Variants in BTAF1 observed in about 807,000 individuals in gnomAD.
BTAF1 encodes the protein B-TFIID TATA-box binding protein associated factor 1, also known as TATA-binding protein-associated factor 172.
BTAF1 carries 38 observed loss-of-function variants against 227.1 expected under a neutral mutation model. The observed-to-expected ratio is 0.17, with a 90% confidence interval of 0.13 to 0.22. BTAF1 has a LOEUF of 0.22. Among genes scored for constraint, BTAF1 ranks in the 10% least tolerant of loss-of-function variants. The pLI, the probability that BTAF1 is intolerant of heterozygous loss-of-function variation, is 1.00. For missense variants in BTAF1, 1,598 were observed against 2,204.0 expected (o/e 0.73, Z 5.51); for synonymous variants, 742 against 751.9 (o/e 0.99, Z 0.21).
At chr10:92,012,088 TCCCTC>T (rs1408907631) in intron 30 of BTAF1, among the ~76,000 whole-genome samples, 3 of 40,518 alleles carry the variant, frequency 7.4e-5, no homozygotes, top group African/African-American at 3.1e-4. Context: ...CTTCCCTCCC[TCCCTC>T]CCCTCCCCCT....
Position 91,964,552 on chromosome 10 carries a change from A to G in BTAF1, c.1529+351A>G, listed in dbSNP as rs75611874. On this transcript the variant is annotated intron_variant, in intron 13 of 37. Coordinates refer to ENST00000265990, the MANE Select transcript of BTAF1 (RefSeq NM_003972.3). Reference sequence around the variant, plus strand: ...TTAGTAACATTTAGTTAACAGAATTATCATCGAACATCAGCTTTAAATTTT... The same window carrying G: ...TTAGTAACATTTAGTTAACAGAATTGTCATCGAACATCAGCTTTAAATTTT... 3.3e-3 allele frequency among the ~76,000 whole-genome samples: 502 copies of G among 152,320 alleles called. 4 individuals are homozygous for G. Among genetic ancestry groups the G allele is most frequent in the African/African-American group, 0.012 (481 of 41,582 alleles).
rs1440703062 is a variant in BTAF1 at position 92,024,980 on chromosome 10, T to C, written c.5075+13T>C. 6.3e-7 allele frequency: 1 copy of C among 1,599,382 alleles called. No individual in the cohort carries two copies. The highest frequency in any genetic ancestry group is 8.6e-7 in the Non-Finnish European group (1 of 1,167,406). On this transcript the variant is annotated intron_variant, in intron 35 of 37. Coordinates refer to ENST00000265990, the MANE Select transcript of BTAF1 (RefSeq NM_003972.3). Reference sequence around the variant, plus strand: ...CCATTGTTTCCCGGTAAGTGGCTTCTAAGACTCTTATTCATAAATAAATAT... The same window carrying C: ...CCATTGTTTCCCGGTAAGTGGCTTCCAAGACTCTTATTCATAAATAAATAT...
intron 14 of BTAF1, among the ~76,000 whole-genome samples, chr10:91,970,097 T>TC (rs397709333): frequency 5.9e-5 from 9 of 151,448 alleles, no homozygotes; most frequent in East Asian, 3.9e-4. Context: ...TTTTTTTTTT[T>TC]CCTTTTGAAT....
intron 1 of BTAF1, among the ~76,000 whole-genome samples, chr10:91,933,208 CT>C (rs895891369): frequency 7.0e-4 from 107 of 152,218 alleles, no homozygotes; most frequent in African/African-American, 2.4e-3. Context: ...TTGGGAGATA[CT>C]TTTTGTTTTG....
At chr10:92,009,793 G>C (rs959496363) in intron 28 of BTAF1, among the ~76,000 whole-genome samples, 1 of 152,074 alleles carries the variant, frequency 6.6e-6, no homozygotes, top group African/African-American at 2.4e-5. Flanking sequence ...TTTTAGCATT[G>C]TTTCAGCTTT....
At chr10:92,014,112 G>A in intron 32 of BTAF1, 83 bp downstream of exon 32, 2 of 1,428,612 alleles carry the variant, frequency 1.4e-6, no homozygotes, top group African/African-American at 2.9e-5. Context: ...ATTGAATAAA[G>A]GGGCTTAGCC....
chr10:91,978,139 C>T (rs1847815398), intron 14 of BTAF1, among the ~76,000 whole-genome samples: 1 of 152,102 alleles, frequency 6.6e-6, no homozygotes, highest in Admixed American at 6.6e-5. Flanking sequence ...GTTTAACTGC[C>T]CTAAAAATCC....
At chr10:91,952,883 A>C (rs1239049019) in intron 5 of BTAF1, among the ~76,000 whole-genome samples, 1 of 152,232 alleles carries the variant, frequency 6.6e-6, no homozygotes, top group Admixed American at 6.5e-5. Flanking sequence ...TGGGTAATTG[A>C]ACATGGTGTA....
chr10:91,966,794 A>G (rs750298438), intron 14 of BTAF1, 37 bp downstream of exon 14: 1 of 1,571,522 alleles, frequency 6.4e-7, no homozygotes, highest in Admixed American at 1.8e-5. Flanking sequence ...TGAAACTTAT[A>G]TAAATTAATT....
At chr10:92,027,098 G>A in intron 36 of BTAF1, 32 bp from the exon 37 acceptor site, 2 of 1,591,448 alleles carry the variant, frequency 1.3e-6, no homozygotes, top group Non-Finnish European at 1.7e-6. Flanking sequence ...CATAATATGT[G>A]TTACGGTTGC....
At chr10:91,941,655 TCTTATTAGC>T (rs1845005589) in intron 3 of BTAF1, among the ~76,000 whole-genome samples, 1 of 152,232 alleles carries the variant, frequency 6.6e-6, no homozygotes, top group Non-Finnish European at 1.5e-5. Flanking sequence ...GAGGGATGAT[TCTTATTAGC>T]CTTATTCATG....
intron 1 of BTAF1, among the ~76,000 whole-genome samples, chr10:91,932,824 G>A (rs1844360818): frequency 6.6e-6 from 1 of 152,206 alleles, no homozygotes; most frequent in Admixed American, 6.5e-5. Context: ...TACTTTATTT[G>A]TTTGCTGTAG....
At chr10:91,927,635 A>G (rs1192855951) in intron 1 of BTAF1, among the ~76,000 whole-genome samples, 11 of 152,340 alleles carry the variant, frequency 7.2e-5, no homozygotes, top group East Asian at 1.9e-4. Context: ...AAAAAAATGA[A>G]TGAATGATTT....
chr10:91,944,313 G>A (rs1219841973), intron 4 of BTAF1, among the ~76,000 whole-genome samples: 1 of 152,110 alleles, frequency 6.6e-6, no homozygotes. Context: ...TTTAAATGTT[G>A]ATCTGTGTTT....
intron 1 of BTAF1, among the ~76,000 whole-genome samples, chr10:91,927,545 A>T (rs11812102): frequency 0.063 from 9,521 of 152,092 alleles, 999 homozygotes; most frequent in African/African-American, 0.22. Context: ...ATTAACATAA[A>T]CTCTGAGAGA....
chr10:91,970,591 G>A (rs1045409948), intron 14 of BTAF1, among the ~76,000 whole-genome samples: 1 of 152,310 alleles, frequency 6.6e-6, no homozygotes, highest in Non-Finnish European at 1.5e-5. Context: ...GACCCACTCC[G>A]TGATTCACTT....
At chr10:91,951,966 T>A (rs1845794418) in intron 5 of BTAF1, among the ~76,000 whole-genome samples, 1 of 152,056 alleles carries the variant, frequency 6.6e-6, no homozygotes, top group Admixed American at 6.6e-5. Context: ...CTTTTTTTTT[T>A]AAGTGAGAAA....
chr10:91,993,662 A>G, intron 21 of BTAF1, 32 bp from the exon 22 acceptor site: 1 of 1,387,736 alleles, frequency 7.2e-7, no homozygotes, highest in South Asian at 2.0e-5. Flanking sequence ...TTTTTTCTGA[A>G]ATTCTGTTTT....
chr10:91,989,557 A>G lies in BTAF1; in HGVS notation c.2831A>G (p.Gln944Arg). The G allele has an allele frequency of 6.2e-7, 1 of 1,601,390 alleles. No homozygotes were observed. Among genetic ancestry groups the G allele is most frequent in the Non-Finnish European group, 8.5e-7 (1 of 1,176,492 alleles). Residue 944 changes from glutamine (Q) to arginine (R), a missense_variant, in exon 20 of 38, where the codon CAA becomes CGA. Around this residue, in one of 10 missense-constraint regions of BTAF1, gnomAD observed 425 missense variants for 491.2 expected, o/e 0.87. Coordinates refer to ENST00000265990, the MANE Select transcript of BTAF1 (RefSeq NM_003972.3). ...TPCVTCPVPT[Q>R]SGQENSKGST... is the part of the protein sequence containing the mutation. ...TGTGTCACATGTCCAGTACCAACAC[A>G]AAGTGGCCAGGAAAATTCTAAAGGT...
Sources: gnomAD v4.1 joint callset for allele counts (sites outside exome capture counted in the v4.1 genomes callset) on GRCh38, gnomAD v4.1.1 for gene constraint, gnomAD v4.1.1 regional missense constraint, MANE v1.5 for transcripts, NCBI Gene and HGNC (gene_info 2026-07-23, HGNC 2026-07-21) for gene names.